HSD17B12: variants seen among roughly 807,000 people sequenced by gnomAD.
The protein encoded by HSD17B12 is very-long-chain 3-oxoacyl-CoA reductase.
A neutral mutation model predicts 39.3 loss-of-function variants in HSD17B12; 32 were observed. The ratio of observed to expected loss-of-function variants is 0.81; its 90% CI spans 0.61 to 1.09. HSD17B12 has a LOEUF of 1.09. Among genes scored for constraint, HSD17B12 ranks in the 50% least tolerant of loss-of-function variants. HSD17B12 has a pLI of 0.00. For synonymous variants in HSD17B12, 150 were observed against 146.7 expected (o/e 1.02, Z -0.16); for missense variants, 342 against 382.9 (o/e 0.89, Z 0.89).
chr11:43,565,198 C>T, the HSD17B12 span, among the ~76,000 whole-genome samples: 1 of 152,172 alleles, frequency 6.6e-6, no homozygotes, highest in Non-Finnish European at 1.5e-5. Context: ...CCATGCCCAG[C>T]GAGTCTTTCT....
chr11:43,849,412 C>T (rs1951510362), intron 9 of HSD17B12, among the ~76,000 whole-genome samples: 1 of 152,204 alleles, frequency 6.6e-6, no homozygotes, highest in Non-Finnish European at 1.5e-5. Flanking sequence ...TTATGACCCT[C>T]AATGTTCTGA....
At chr11:43,779,282 C>T (rs1021291648) in intron 3 of HSD17B12, among the ~76,000 whole-genome samples, 1 of 152,240 alleles carries the variant, frequency 6.6e-6, no homozygotes, top group East Asian at 1.9e-4. Context: ...ACATAATAGG[C>T]ATTTATCAAT....
chr11:43,816,766 C>T (rs1299305787), intron 6 of HSD17B12, among the ~76,000 whole-genome samples: 2 of 151,824 alleles, frequency 1.3e-5, no homozygotes, highest in African/African-American at 4.8e-5. Flanking sequence ...ATCCCTTACC[C>T]TCTTCCACCC....
intron 1 of HSD17B12, among the ~76,000 whole-genome samples, chr11:43,728,550 G>C (rs1950241604): frequency 6.6e-6 from 1 of 151,604 alleles, no homozygotes; most frequent in Admixed American, 6.6e-5. Flanking sequence ...TTGGTCTGTG[G>C]CTCTTTTAGA....
At chr11:43,626,079 T>C in the HSD17B12 span, among the ~76,000 whole-genome samples, 44 of 151,718 alleles carry the variant, frequency 2.9e-4, no homozygotes, top group Non-Finnish European at 5.0e-4. Context: ...ACTAAGATGG[T>C]ATTAATTGCT....
intron 9 of HSD17B12, among the ~76,000 whole-genome samples, chr11:43,841,855 C>T (rs938861793): frequency 1.3e-5 from 2 of 152,002 alleles, no homozygotes; most frequent in African/African-American, 2.4e-5. Flanking sequence ...CACAAATGAT[C>T]GATCAAAATA....
the HSD17B12 span, among the ~76,000 whole-genome samples, chr11:43,557,163 C>G: frequency 1.3e-5 from 2 of 152,128 alleles, no homozygotes; most frequent in Non-Finnish European, 2.9e-5. Context: ...AGGAGGCATG[C>G]CAGCTGGAAG....
chr11:43,650,250 T>C, the HSD17B12 span, among the ~76,000 whole-genome samples: 1 of 152,220 alleles, frequency 6.6e-6, no homozygotes, highest in South Asian at 2.1e-4. Context: ...GAGTTTTGTT[T>C]GTTTTTCAAA....
At chr11:43,765,716 A>G (rs1201170561) in intron 3 of HSD17B12, among the ~76,000 whole-genome samples, 2 of 152,096 alleles carry the variant, frequency 1.3e-5, no homozygotes, top group African/African-American at 4.8e-5. Flanking sequence ...ATGCCTTCAC[A>G]TTCACCAACG....
the HSD17B12 span, among the ~76,000 whole-genome samples, chr11:43,581,205 A>G: frequency 2.0e-5 from 3 of 151,826 alleles, no homozygotes; most frequent in East Asian, 5.9e-4. This position sits in a 1 kb window ranked among gnomAD's most constrained non-coding sequence, Gnocchi z 4.9. Context: ...CTCGGGGCTG[A>G]GTTGGGGGAT....
intron 6 of HSD17B12, among the ~76,000 whole-genome samples, chr11:43,817,418 G>A (rs1367284695): frequency 1.3e-5 from 2 of 152,072 alleles, no homozygotes; most frequent in Non-Finnish European, 2.9e-5. Context: ...TGAAATCCTT[G>A]CCTAAGCCAA....
the HSD17B12 span, among the ~76,000 whole-genome samples, chr11:43,612,998 G>C: frequency 1.3e-5 from 2 of 152,120 alleles, no homozygotes; most frequent in East Asian, 3.9e-4. Context: ...AGTATAGTGA[G>C]CTCAGAAAAG....
chr11:43,728,918 AATATAG>A (rs1441635701), intron 1 of HSD17B12, among the ~76,000 whole-genome samples: 3 of 152,284 alleles, frequency 2.0e-5, no homozygotes, highest in East Asian at 1.9e-4. Context: ...TGCTACATAT[AATATAG>A]ATATAAATAA....
At chr11:43,675,609 T>TAA in the HSD17B12 span, among the ~76,000 whole-genome samples, 6 of 144,252 alleles carry the variant, frequency 4.2e-5, no homozygotes, top group Non-Finnish European at 7.6e-5. Context: ...CTAATTTACT[T>TAA]AAAAAAAAAA....
At chr11:43,791,023 A>G (rs980737857) in intron 3 of HSD17B12, among the ~76,000 whole-genome samples, 4 of 151,922 alleles carry the variant, frequency 2.6e-5, no homozygotes, top group Non-Finnish European at 5.9e-5. Context: ...ATAAAAAAAA[A>G]CTGTGTAGGG....
At chr11:43,630,377 G>C in the HSD17B12 span, among the ~76,000 whole-genome samples, 2 of 152,088 alleles carry the variant, frequency 1.3e-5, no homozygotes, top group African/African-American at 4.8e-5. Flanking sequence ...AGATTCTAAG[G>C]GGCCCAGCTA....
At chr11:43,634,305 C>T in the HSD17B12 span, among the ~76,000 whole-genome samples, 2 of 151,990 alleles carry the variant, frequency 1.3e-5, no homozygotes, top group Non-Finnish European at 2.9e-5. Flanking sequence ...AAATTTAAGT[C>T]AGGTAAAACT....
the HSD17B12 span, among the ~76,000 whole-genome samples, chr11:43,587,069 C>G: frequency 1.3e-5 from 2 of 152,218 alleles, no homozygotes; most frequent in Admixed American, 1.3e-4. Context: ...CAAATTCTAT[C>G]TAGTCCCAAC....
chr11:43,666,405 A>G, the HSD17B12 span, among the ~76,000 whole-genome samples: 3 of 152,030 alleles, frequency 2.0e-5, no homozygotes, highest in Non-Finnish European at 4.4e-5. Flanking sequence ...GAGTTTTGCC[A>G]TACTGCCCAG....
Sources: gnomAD v4.1 joint callset for allele counts (sites outside exome capture counted in the v4.1 genomes callset) on GRCh38, gnomAD v4.1.1 for gene constraint, Gnocchi (gnomAD v3.1) non-coding constraint, MANE v1.5 for transcripts, NCBI Gene and HGNC (gene_info 2026-07-23, HGNC 2026-07-21) for gene names.